FOXO3: variants seen among roughly 807,000 people sequenced by gnomAD.
FOXO3 encodes the protein forkhead box protein O3.
Under a neutral mutation model 41.9 loss-of-function variants are expected in FOXO3, and 4 were observed. The ratio of observed to expected loss-of-function variants is 0.10; its 90% confidence interval spans 0.05 to 0.22. The LOEUF is 0.22. FOXO3 is among the 10% of genes least tolerant of loss of function. The pLI is 1.00. For synonymous variants in FOXO3, 318 were observed against 389.3 expected (o/e 0.82, Z 2.16); for missense variants, 534 against 906.8 (o/e 0.59, Z 5.28).
At chr6:108,560,327 G>A (rs928222035), upstream of FOXO3, among the ~76,000 whole-genome samples, 2 of 152,180 alleles carry the variant, frequency 1.3e-5, no homozygotes, top group African/African-American at 2.4e-5. Flanking sequence ...GGGGGCGGAG[G>A]GGACGACGTC....
chr6:108,658,737 A>G (rs1344680028), intron 1 of FOXO3, among the ~76,000 whole-genome samples: 3 of 152,112 alleles, frequency 2.0e-5, no homozygotes, highest in Non-Finnish European at 4.4e-5. Flanking sequence ...ATTGGTTTGT[A>G]TGGTATCCAC....
In FOXO3 at chr6:108,657,218, T is replaced by A. The variant is rs182161770; in HGVS notation, c.622-6237T>A. Among the ~76,000 whole-genome samples, 3 of 152,358 alleles carry A rather than the reference T, an allele frequency of 2.0e-5. No homozygotes were observed. In the East Asian group the frequency reaches 5.8e-4, roughly 29 times the overall value. On this transcript the variant is annotated intron_variant, in intron 1 of 2. Coordinates refer to ENST00000406360, the MANE Select transcript of FOXO3 (RefSeq NM_001455.4). The stretch of plus-strand genomic sequence containing the variant: ...CTCTTTAGACACATTGTGATAGAGG[T>A]GTTTTAAGGGTTCTTTAAACCTTTC...
At chr6:108,559,825 G>C (rs748797482), upstream of FOXO3, 2 of 152,368 alleles carry the variant, frequency 1.3e-5, no homozygotes, top group African/African-American at 2.4e-5. Context: ...CGGCCGCCCT[G>C]CTCGTGGAAG....
chr6:108,640,883 C>G (rs961578287), intron 1 of FOXO3, among the ~76,000 whole-genome samples: 1 of 152,040 alleles, frequency 6.6e-6, no homozygotes, highest in African/African-American at 2.4e-5. Context: ...GAATTGAGCT[C>G]CCAGTTACTG....
chr6:108,579,047 C>T (rs918027780), intron 1 of FOXO3, among the ~76,000 whole-genome samples: 1 of 152,166 alleles, frequency 6.6e-6, no homozygotes, highest in East Asian at 1.9e-4. Flanking sequence ...TAGTGCAAAA[C>T]ACAGTGGGTT....
intron 1 of FOXO3, chr6:108,617,946 G>A (rs1777562215): frequency 2.1e-6 from 1 of 475,222 alleles, no homozygotes. Flanking sequence ...TACTTGAGAA[G>A]GTAATCGTGG....
chr6:108,665,637 A>G (rs1338599378), intron 2 of FOXO3, among the ~76,000 whole-genome samples: 2 of 152,146 alleles, frequency 1.3e-5, no homozygotes, highest in East Asian at 1.9e-4. Flanking sequence ...CATGGGCAAC[A>G]TAGCAAGACT....
chr6:108,650,062 G>A (rs1273423161), intron 1 of FOXO3, among the ~76,000 whole-genome samples: 1 of 152,106 alleles, frequency 6.6e-6, no homozygotes, highest in Non-Finnish European at 1.5e-5. Flanking sequence ...AAGGGAAAGG[G>A]CTGGAAATTT....
At chr6:108,615,755 A>G (rs1401957830) in intron 1 of FOXO3, among the ~76,000 whole-genome samples, 1 of 151,834 alleles carries the variant, frequency 6.6e-6, no homozygotes, top group East Asian at 1.9e-4. Flanking sequence ...GGATACTCTC[A>G]ATTTCATTTT....
chr6:108,590,619 A>G (rs1184409957), intron 1 of FOXO3, among the ~76,000 whole-genome samples: 2 of 152,174 alleles, frequency 1.3e-5, no homozygotes, highest in African/African-American at 4.8e-5. Flanking sequence ...GAAATCTGAA[A>G]CACTTCCAGG....
chr6:108,572,767 T>C (rs187615976), intron 1 of FOXO3, among the ~76,000 whole-genome samples: 12 of 152,326 alleles, frequency 7.9e-5, no homozygotes, highest in Non-Finnish European at 1.6e-4. Flanking sequence ...TGAGCCCTTA[T>C]TATGTGCCCG....
intron 1 of FOXO3, among the ~76,000 whole-genome samples, chr6:108,619,143 A>G (rs766591100): frequency 6.6e-6 from 1 of 152,228 alleles, no homozygotes; most frequent in African/African-American, 2.4e-5. Flanking sequence ...TATGATGCCA[A>G]TGCCAAAATC....
rs112265856 is a variant in FOXO3, at chr6:108,674,771, C to T, written c.*35-5056C>T. On this transcript the variant is annotated intron_variant, in intron 2 of 2. Transcript: ENST00000406360. ...AAAGCATGGATGAGGACAGTGGAAC[C>T]TGATCCCACAGGCCTTTACCAGCTA... Among the ~76,000 whole-genome samples, 1,234 of 152,248 alleles carry T rather than the reference C, an allele frequency of 8.1e-3. 10 individuals carry two copies. The highest frequency in any genetic ancestry group is 0.018 in the African/African-American group (741 of 41,532).
chr6:108,621,806 G>A (rs1001327989), intron 1 of FOXO3, among the ~76,000 whole-genome samples: 1 of 152,160 alleles, frequency 6.6e-6, no homozygotes, highest in African/African-American at 2.4e-5. Context: ...TGCCAGGTAG[G>A]TAGTGCCTAG....
chr6:108,580,776 C>T (rs1285808745), intron 1 of FOXO3, among the ~76,000 whole-genome samples: 1 of 152,170 alleles, frequency 6.6e-6, no homozygotes, highest in Admixed American at 6.5e-5. Context: ...ACGTAGCTGT[C>T]ATTGTTTGAG....
chr6:108,636,461 G>A (rs578020312), intron 1 of FOXO3, among the ~76,000 whole-genome samples: 1 of 152,234 alleles, frequency 6.6e-6, no homozygotes, highest in East Asian at 1.9e-4. Flanking sequence ...AACAAACCCT[G>A]TGTGTTGAGC....
At chr6:108,623,847 T>C (rs1777738514) in intron 1 of FOXO3, among the ~76,000 whole-genome samples, 2 of 152,216 alleles carry the variant, frequency 1.3e-5, no homozygotes, top group Admixed American at 6.5e-5. Flanking sequence ...ACAGTTGATA[T>C]AAGAGTTTTC....
intron 1 of FOXO3, among the ~76,000 whole-genome samples, chr6:108,572,153 G>C (rs952210681): frequency 6.6e-6 from 1 of 152,164 alleles, no homozygotes; most frequent in Non-Finnish European, 1.5e-5. Context: ...TTGTGGACTT[G>C]AGGTTTACAG....
Position 108,664,057 on chromosome 6 carries a change from G to A in FOXO3, c.1224G>A (p.Met408Ile). 1.9e-6 allele frequency: 3 copies of A among 1,614,206 alleles called. No homozygotes were observed. Among genetic ancestry groups the A allele is most frequent in the South Asian group, 1.1e-5 (1 of 91,084 alleles). ...PSQPSPTGGL[M>I]QRSSSFPYTT... ...AGCCATCGCCCACTGGGGGACTCATGCAGCGGAGCTCTAGCTTCCCGTATA... is the reference window on the plus strand; with the variant it reads ...AGCCATCGCCCACTGGGGGACTCATACAGCGGAGCTCTAGCTTCCCGTATA... The change falls in exon 2 of 3, where the codon ATG becomes ATA. Residue 408 changes from methionine to isoleucine, a missense_variant. This residue lies in a region of FOXO3 where 185 missense variants were observed against 224.9 expected (regional missense o/e 0.82). Coordinates refer to ENST00000406360, the MANE Select transcript of FOXO3 (RefSeq NM_001455.4).
Sources: allele counts gnomAD v4.1 joint callset (sites outside exome capture counted in the v4.1 genomes callset), GRCh38; gene constraint gnomAD v4.1.1; regional missense constraint gnomAD v4.1.1; transcripts MANE v1.5; gene names NCBI Gene and HGNC (gene_info 2026-07-23, HGNC 2026-07-21).